The following RINL variants were observed in gnomAD, a reference collection of about 807,000 sequenced individuals.
RINL encodes ras and Rab interactor-like protein.
In RINL, 39 loss-of-function variants were observed where a neutral mutation model predicts 58.1. The observed-to-expected ratio is 0.67, with a 90% CI of 0.52 to 0.88. The LOEUF is 0.88. Among genes scored for constraint, RINL ranks in the 40% least tolerant of loss-of-function variants. The pLI, the probability that RINL is intolerant of heterozygous loss-of-function variation, is 0.00. For synonymous variants in RINL, 286 were observed against 323.1 expected, an observed-to-expected ratio of 0.89 and a Z score of 1.23; for missense variants, 711 against 749.2, an observed-to-expected ratio of 0.95 and a Z score of 0.60.
In RINL at chr19:38,870,129, C is replaced by T. The variant is rs762866990; in HGVS notation, c.1156G>A (p.Gly386Arg). 14 of 1,420,790 alleles carry T rather than the reference C, an allele frequency of 9.9e-6. No homozygotes were observed. Among genetic ancestry groups the T allele is most frequent in the Middle Eastern group, 2.2e-4 (1 of 4,566 alleles). The allele number at this position is 1,420,790 out of a possible 1,614,324, so 88.0% of individuals were successfully genotyped here. Reference protein sequence around the residue: ...LRRRQTALRAGAGPPGAQGPG... With the variant: ...LRRRQTALRARAGPPGAQGPG... Reference sequence around the variant, plus strand: ...CCCTGTGCCCCCGGAGGCCCCGCCCCCGCCCGCAGGGCTGTCTGTCGCCGC... The same window carrying T: ...CCCTGTGCCCCCGGAGGCCCCGCCCTCGCCCGCAGGGCTGTCTGTCGCCGC... Residue 386 changes from glycine (G) to arginine (R), a missense_variant, in exon 9 of 12, where the codon GGG (glycine) becomes AGG (arginine). By Grantham distance (125) the Gly-to-Arg change is moderately radical. Coordinates refer to ENST00000591812, the MANE Select transcript of RINL (RefSeq NM_001195833.2). The surrounding 1 kb of genome is among the most constrained non-coding windows in gnomAD (Gnocchi z 5.8).
chr19:38,870,150 G>A lies in RINL; in HGVS notation c.1135C>T (p.Arg379Ter). The A allele has an allele frequency of 2.1e-6, 3 of 1,406,960 alleles. No homozygotes were observed. The highest frequency in any genetic ancestry group is 2.7e-6 in the Non-Finnish European group (3 of 1,090,938). 87.2% of individuals were successfully genotyped at this position (1,406,960 alleles called of 1,614,324 possible). ...RAPELRRLRRRQTALRAGAGP... is the reference protein window; with the variant it reads ...RAPELRRLRR ...GCCCCCGCCCGCAGGGCTGTCTGTC[G>A]CCGCCGCAGCCGCCGCAGCTCCGGT... The change falls in exon 9 of 12, where the codon CGA becomes TGA. Residue 379 changes from arginine to a stop codon, truncating the protein, a stop_gained. Transcript: ENST00000591812. LOFTEE classifies it high-confidence loss of function. The surrounding 1 kb of genome is among the most constrained non-coding windows in gnomAD (Gnocchi z 5.8).
chr19:38,870,816 T>G lies in RINL; in HGVS notation c.778A>C (p.Thr260Pro), dbSNP rs1196528194. The change falls in exon 8 of 12, where the codon ACC becomes CCC. Residue 260 changes from threonine (T) to proline (P), a missense_variant. Transcript: ENST00000591812. This position sits in a 1 kb window ranked among gnomAD's most constrained non-coding sequence, Gnocchi z 5.8. Reference protein sequence around the residue: ...PEEEGPEDVLTIHVQSLVRAR... With the variant: ...PEEEGPEDVLPIHVQSLVRAR... ...CTGACCAGAGACTGGACGTGAATGG[T>G]GAGCACGTCCTCAGGGCCTTCCTCT... 8 of 1,611,078 alleles carry G rather than the reference T, an allele frequency of 5.0e-6. No individual in the cohort carries two copies. Among genetic ancestry groups the G allele is most frequent in the Non-Finnish European group, 6.8e-6 (8 of 1,179,992 alleles).
rs1972793928 is a variant in RINL, at chr19:38,870,860, C to G, written c.734G>C (p.Gly245Ala). ...EEEDLEGKEE[G>A]REDDPEEEGP... ...TTCCTCTTCAGGGTCGTCCTCCCTT[C>G]CTTCCTCCTTTCCTTCAAGGTCTTC... The change falls in exon 8 of 12, where the codon GGA becomes GCA. Residue 245 changes from glycine (G) to alanine (A), a missense_variant. By Grantham distance (60) the Gly-to-Ala change is moderately conservative (BLOSUM62 0). Transcript: ENST00000591812. The surrounding 1 kb of genome is among the most constrained non-coding windows in gnomAD (Gnocchi z 5.8). The G allele has an allele frequency of 1.2e-6, 2 of 1,606,008 alleles. No individual in the cohort carries two copies. The highest frequency in any genetic ancestry group is 1.3e-5 in the African/African-American group (1 of 74,926).
intron 6 of RINL, 85 bp downstream of exon 6, chr19:38,871,562 G>A (rs1039449144): frequency 1.6e-6 from 2 of 1,273,786 alleles, no homozygotes; most frequent in African/African-American, 1.5e-5. Flanking sequence ...AAACCCAGTA[G>A]TCTGGGCCCC....
chr19:38,870,244 C>G lies in RINL; in HGVS notation c.1041G>C (p.Thr347=), dbSNP rs2145473914. 7.2e-7 allele frequency: 1 copy of G among 1,384,702 alleles called. No individual in the cohort carries two copies. The allele number at this position is 1,384,702 out of a possible 1,614,324, so 85.8% of individuals were successfully genotyped here. The part of the protein sequence containing the change: ...KDEDPGPALE[T]AVCQAVLAPL... ...GCGCCAGCACCGCCTGGCACACCGC[C>G]GTCTCCAGCGCGGGGCCTGCGGGGT... Residue 347 remains threonine (T), a synonymous_variant, in exon 9 of 12, where the codon ACG becomes ACC. Coordinates refer to ENST00000591812, the MANE Select transcript of RINL (RefSeq NM_001195833.2). The surrounding 1 kb of genome is among the most constrained non-coding windows in gnomAD (Gnocchi z 5.8).
rs1366892108 is a variant in RINL, at chr19:38,876,700, C to T, written c.43G>A (p.Gly15Arg). The change falls in exon 2 of 12, where the codon GGG (glycine) becomes AGG (arginine). Residue 15 changes from glycine (G) to arginine (R), a missense_variant. Transcript: ENST00000591812. ...EDKAPEVPTE[G>R]VRLVPPQVNK... is the part of the protein sequence containing the mutation. ...CAGCCCTAGTAGCCTCACCTCACCC[C>T]CTCTGTGGGGACTTCAGGTGCCTTG... 6.5e-7 allele frequency: 1 copy of T among 1,536,092 alleles called. No individual in the cohort carries two copies.
chr19:38,877,155 TC>T (rs908722131), intron 1 of RINL, among the ~76,000 whole-genome samples: 68 of 152,054 alleles, frequency 4.5e-4, no homozygotes, highest in African/African-American at 1.6e-3. Context: ...CCTCAAGTGA[TC>T]CCCCCGCCTC....
intron 3 of RINL, 109 bp downstream of exon 3, chr19:38,876,222 G>T: frequency 9.2e-7 from 1 of 1,091,544 alleles, no homozygotes; most frequent in Non-Finnish European, 1.3e-6. Context: ...ATTGCACCCA[G>T]CAATAAATAG....
chr19:38,868,965 T>TG lies in RINL; in HGVS notation c.*138dup, dbSNP rs144552100. The TG allele has an allele frequency of 2.4e-4, 186 of 760,200 alleles. No homozygotes were observed. In the African/African-American group the frequency reaches 2.6e-3, roughly 11 times the overall value. 47.1% of individuals were successfully genotyped at this position (760,200 alleles called of 1,614,324 possible). On this transcript the variant is annotated 3_prime_UTR_variant, in exon 12 of 12. Coordinates refer to ENST00000591812, the MANE Select transcript of RINL (RefSeq NM_001195833.2). ...TACGCCACCACGCCCGGCTAATTTTTGTTTTTTTTTTTTTTTGGTAGATGG... is the reference window on the plus strand; with the variant it reads ...TACGCCACCACGCCCGGCTAATTTTTGGTTTTTTTTTTTTTTTGGTAGATGG...
rs1247098052 is a variant in RINL at position 38,876,477 on chromosome 19, G to A, written c.64C>T (p.Gln22Ter). 2.6e-6 allele frequency: 4 copies of A among 1,535,922 alleles called. No homozygotes were observed. Among genetic ancestry groups the A allele is most frequent in the African/African-American group, 2.7e-5 (2 of 73,038 alleles). ...GGGGTCCTGTCTGCTTTGTTCACCT[G>A]TGGTGGGACCAGCCTGGGATGGACA... ...PTEGVRLVPPQVNKADRTPLG... is the reference protein window; with the variant it reads ...PTEGVRLVPP Residue 22 changes from glutamine (Q) to a stop codon, truncating the protein, a stop_gained, in exon 3 of 12, where the codon CAG becomes TAG. Transcript: ENST00000591812. LOFTEE classifies it high-confidence loss of function.
chr19:38,876,258 C>T (rs1972921760), intron 3 of RINL, 73 bp downstream of exon 3: 1 of 1,424,758 alleles, frequency 7.0e-7, no homozygotes, highest in Non-Finnish European at 9.4e-7. Flanking sequence ...CAATTTGTGT[C>T]ATGTTTGTCA....
At chr19:38,873,831 A>C in intron 4 of RINL, 55 bp downstream of exon 4, 1 of 1,137,950 alleles carries the variant, frequency 8.8e-7, no homozygotes, top group East Asian at 2.6e-5. Context: ...GGTCCAGCTG[A>C]TAGTTCTTAG....
intron 3 of RINL, among the ~76,000 whole-genome samples, chr19:38,875,031 A>G (rs1972890396): frequency 6.7e-6 from 1 of 149,520 alleles, no homozygotes; most frequent in Non-Finnish European, 1.5e-5. Context: ...GCTACTCGGG[A>G]GGCTGAGGCA....
Position 38,876,358 on chromosome 19 carries a change from C to T in RINL, c.183G>A (p.Glu61=). ...HVPELDTQDA[E]ALVGLWPLGS... The stretch of plus-strand genomic sequence containing the variant: ...CTAGTGGCCACAGCCCCACAAGGGC[C>T]TCCGCATCCTGGGTATCCAGCTCTG... The change falls in exon 3 of 12, where the codon GAG becomes GAA. Residue 61 remains glutamate (E), a synonymous_variant. Coordinates refer to ENST00000591812, the MANE Select transcript of RINL (RefSeq NM_001195833.2). 1 of 1,536,096 alleles carries T rather than the reference C, an allele frequency of 6.5e-7. No individual in the cohort carries two copies. Among genetic ancestry groups the T allele is most frequent in the Non-Finnish European group, 8.7e-7 (1 of 1,146,888 alleles).
intron 4 of RINL, among the ~76,000 whole-genome samples, chr19:38,873,065 TAAAAGAA>T (rs890647117): frequency 2.0e-5 from 3 of 151,790 alleles, no homozygotes; most frequent in Non-Finnish European, 4.4e-5. Flanking sequence ...AGACTCTGTC[TAAAAGAA>T]AAAAGAAAAA....
chr19:38,874,620 G>T (rs1237862577), intron 3 of RINL, among the ~76,000 whole-genome samples: 1 of 152,168 alleles, frequency 6.6e-6, no homozygotes, highest in Non-Finnish European at 1.5e-5. Context: ...TGCTAAACTG[G>T]TGGGATACAG....
At position 38,869,329 on chromosome 19, in the gene RINL, C is replaced by G. The variant is rs925829070; in HGVS notation, c.1556G>C (p.Gly519Ala). Residue 519 changes from glycine (G) to alanine (A), a missense_variant, in exon 11 of 12, where the codon GGG (glycine) becomes GCG (alanine). Transcript: ENST00000591812. The surrounding 1 kb of genome is among the most constrained non-coding windows in gnomAD (Gnocchi z 5.7). ...GGAGGCGCGGGCCTCGGAGCTGAGC[C>G]CCCGGGGAGCGCGGTCTGTTTCGGG... ...YQPETDRAPR[G>A]LSSEARASLH... The G allele has an allele frequency of 6.2e-6, 10 of 1,613,970 alleles. No individual in the cohort carries two copies. The highest frequency in any genetic ancestry group is 8.5e-6 in the Non-Finnish European group (10 of 1,179,964).
rs377035423 is a variant in RINL at position 38,870,828 on chromosome 19, C to G, written c.766G>C (p.Glu256Gln). 6.0e-5 allele frequency: 96 copies of G among 1,609,754 alleles called. No individual in the cohort carries two copies. Among genetic ancestry groups the G allele is most frequent in the Middle Eastern group, 1.6e-4 (1 of 6,084 alleles). Residue 256 changes from glutamate (E) to glutamine (Q), a missense_variant, in exon 8 of 12, where the codon GAG becomes CAG. By Grantham distance (29) the Glu-to-Gln change is conservative (BLOSUM62 2). Coordinates refer to ENST00000591812, the MANE Select transcript of RINL (RefSeq NM_001195833.2). This position sits in a 1 kb window ranked among gnomAD's most constrained non-coding sequence, Gnocchi z 5.8. The stretch of plus-strand genomic sequence containing the variant: ...TGGACGTGAATGGTGAGCACGTCCT[C>G]AGGGCCTTCCTCTTCAGGGTCGTCC... ...REDDPEEEGPEDVLTIHVQSL... is the reference protein window; with the variant it reads ...REDDPEEEGPQDVLTIHVQSL...
chr19:38,870,629 T>C lies in RINL; in HGVS notation c.965A>G (p.Tyr322Cys), dbSNP rs1972785455. 6.2e-7 allele frequency: 1 copy of C among 1,612,368 alleles called. No homozygotes were observed. Among genetic ancestry groups the C allele is most frequent in the Non-Finnish European group, 8.5e-7 (1 of 1,179,242 alleles). Reference sequence around the variant, plus strand: ...CCTGCTTCCAAAGACAGCCCTGATGTAGGAGTCCTTTGCCAGGTGATCCTG... The same window carrying C: ...CCTGCTTCCAAAGACAGCCCTGATGCAGGAGTCCTTTGCCAGGTGATCCTG... ...DLQDHLAKDS[Y>C]IRAVFGSRGP... is the part of the protein sequence containing the mutation. Residue 322 changes from tyrosine to cysteine, a missense_variant, in exon 8 of 12, where the codon TAC becomes TGC. Tyr to Cys is a radical substitution (Grantham distance 194, BLOSUM62 -2). Transcript: ENST00000591812. This position sits in a 1 kb window ranked among gnomAD's most constrained non-coding sequence, Gnocchi z 5.8.
Sources: gnomAD v4.1 joint callset for allele counts (sites outside exome capture counted in the v4.1 genomes callset) on GRCh38, gnomAD v4.1.1 for gene constraint, Gnocchi (gnomAD v3.1) non-coding constraint, MANE v1.5 for transcripts, NCBI Gene and HGNC (gene_info 2026-07-23, HGNC 2026-07-21) for gene names.